The following HECW2 variants were observed in gnomAD, a reference collection of about 807,000 sequenced individuals.
HECW2 encodes HECT, C2 and WW domain containing E3 ubiquitin protein ligase 2, also known as E3 ubiquitin-protein ligase HECW2.
In HECW2, 61 loss-of-function variants were observed where a neutral mutation model predicts 175.2. The ratio of observed to expected loss-of-function variants is 0.35; its 90% CI spans 0.28 to 0.43. HECW2 has a LOEUF of 0.43. Ranked by LOEUF, HECW2 falls within the 20% of genes least tolerant of loss-of-function variation. HECW2 has a pLI of 1.00. For missense variants in HECW2, 1,524 were observed against 2,000.5 expected (o/e 0.76, Z 4.54); for synonymous variants, 671 against 731.0 (o/e 0.92, Z 1.32).
chr2:196,342,884 GAATA>G (rs890260484), intron 3 of HECW2, among the ~76,000 whole-genome samples: 1 of 151,774 alleles, frequency 6.6e-6, no homozygotes, highest in South Asian at 2.1e-4. Context: ...AAATTCATAT[GAATA>G]AATATTAATT....
At chr2:196,219,830 G>A (rs1044268593) in intron 26 of HECW2, among the ~76,000 whole-genome samples, 2 of 152,068 alleles carry the variant, frequency 1.3e-5, no homozygotes, top group Non-Finnish European at 2.9e-5. Context: ...ATCCTTTGAC[G>A]GTGTGTAAAC....
At chr2:196,250,466 C>G (rs560599261) in intron 19 of HECW2, among the ~76,000 whole-genome samples, 1 of 152,106 alleles carries the variant, frequency 6.6e-6, no homozygotes, top group Non-Finnish European at 1.5e-5. Context: ...CAAAAATAAT[C>G]GTGAGAGGTG....
At chr2:196,401,881 G>A (rs1206664405) in intron 2 of HECW2, among the ~76,000 whole-genome samples, 1 of 152,076 alleles carries the variant, frequency 6.6e-6, no homozygotes, top group Admixed American at 6.6e-5. Context: ...AAATGGAGAG[G>A]GTACCAAAAA....
chr2:196,577,231 T>A (rs898089946), intron 1 of HECW2, among the ~76,000 whole-genome samples: 7 of 152,184 alleles, frequency 4.6e-5, no homozygotes, highest in Non-Finnish European at 5.9e-5. Context: ...GGAATATATA[T>A]GCCTTCAAAA....
intron 28 of HECW2, among the ~76,000 whole-genome samples, chr2:196,203,874 T>G (rs1219353327): frequency 1.3e-5 from 2 of 152,250 alleles, no homozygotes; most frequent in East Asian, 3.9e-4. Context: ...TCCCATTTCC[T>G]CTCCCCCTAG....
At chr2:196,487,111 T>C (rs1372274709) in intron 1 of HECW2, among the ~76,000 whole-genome samples, 2 of 146,642 alleles carry the variant, frequency 1.4e-5, no homozygotes, top group African/African-American at 2.6e-5. Context: ...ATCGCACCAC[T>C]GCACTCCAGC....
chr2:196,546,070 AAGG>A (rs1165106813), intron 1 of HECW2, among the ~76,000 whole-genome samples: 1 of 152,226 alleles, frequency 6.6e-6, no homozygotes, highest in African/African-American at 2.4e-5. Flanking sequence ...TTTCGAACAC[AAGG>A]AGTTGTTTAT....
intron 2 of HECW2, chr2:196,361,754 T>C (rs1298839875): frequency 1.0e-6 from 1 of 972,930 alleles, no homozygotes; most frequent in Non-Finnish European, 1.2e-6. Context: ...CCCAAACAGC[T>C]GGACAAGGAA....
At chr2:196,369,093 T>C (rs1693835365) in intron 2 of HECW2, among the ~76,000 whole-genome samples, 1 of 152,178 alleles carries the variant, frequency 6.6e-6, no homozygotes, top group Non-Finnish European at 1.5e-5. Context: ...CTTTACAGTC[T>C]GGGCTTGTTT....
chr2:196,262,185 C>A (rs1208509312), intron 17 of HECW2, among the ~76,000 whole-genome samples: 1 of 151,970 alleles, frequency 6.6e-6, no homozygotes, highest in African/African-American at 2.4e-5. Flanking sequence ...ACCACCACAC[C>A]CAGCTAATTT....
chr2:196,430,209 T>G (rs947538904), intron 2 of HECW2, among the ~76,000 whole-genome samples: 1 of 152,008 alleles, frequency 6.6e-6, no homozygotes, highest in South Asian at 2.1e-4. Context: ...TTAGAAATAG[T>G]AGAAAAATAC....
At chr2:196,232,479 G>A (rs1206952315) in intron 21 of HECW2, among the ~76,000 whole-genome samples, 3 of 152,140 alleles carry the variant, frequency 2.0e-5, no homozygotes, top group Non-Finnish European at 4.4e-5. Context: ...AATGAGTGGA[G>A]CTCTTTGATG....
chr2:196,319,321 A>T lies in HECW2; in HGVS notation c.1569T>A (p.Ala523=). Residue 523 remains alanine, a synonymous_variant, in exon 9 of 29, where the codon GCT becomes GCA. Transcript: ENST00000644978. ...TTTCTGGCTTATCCTCAAAGGAAGC[A>T]GCTTCGTGTGTGGAGGCTTCCTCAT... ...VENEEASTHE[A]ASFEDKPENL... is the part of the protein sequence containing the mutation. The T allele has an allele frequency of 6.2e-7, 1 of 1,613,952 alleles. No individual in the cohort carries two copies. The highest frequency in any genetic ancestry group is 1.1e-5 in the South Asian group (1 of 90,982).
intron 1 of HECW2, 90 bp from the exon 2 acceptor site, chr2:196,433,548 T>C: frequency 1.1e-6 from 1 of 887,824 alleles, no homozygotes; most frequent in Non-Finnish European, 1.7e-6. Context: ...AAAGGGTGTT[T>C]AATAAGCCTG....
At chr2:196,460,564 T>C (rs893077797) in intron 1 of HECW2, among the ~76,000 whole-genome samples, 5 of 152,062 alleles carry the variant, frequency 3.3e-5, no homozygotes, top group Non-Finnish European at 5.9e-5. Flanking sequence ...GTCTAATTTT[T>C]TGCTTTTCTC....
At position 196,257,846 on chromosome 2, in the gene HECW2, A is replaced by T; in HGVS notation, c.3396T>A (p.Asp1132Glu). The change falls in exon 18 of 29, where the codon GAT (aspartate) becomes GAA (glutamate). Residue 1132 changes from aspartate to glutamate, a missense_variant. Coordinates refer to ENST00000644978, the MANE Select transcript of HECW2 (RefSeq NM_001348768.2). The part of the protein sequence containing the change: ...GTPGLVRLSS[D>E]ADLVMLLSLF... ...ACCTCAGCAACATAACAAGGTCTGC[A>T]TCGCTTGAAAGGCGCACCAATCCTG... 1 of 1,613,984 alleles carries T rather than the reference A, an allele frequency of 6.2e-7. No individual in the cohort carries two copies. The highest frequency in any genetic ancestry group is 1.7e-4 in the Middle Eastern group (1 of 6,060).
chr2:196,478,269 G>A (rs909342349), intron 1 of HECW2, among the ~76,000 whole-genome samples: 1 of 152,198 alleles, frequency 6.6e-6, no homozygotes. Context: ...CTGAGGAGCT[G>A]TAGGATTTGG....
At chr2:196,292,360 C>T (rs1344036537) in intron 14 of HECW2, 2 of 504,348 alleles carry the variant, frequency 4.0e-6, no homozygotes, top group East Asian at 3.1e-5. Context: ...CACAGCCCTC[C>T]CTCCGCTCCC....
intron 2 of HECW2, among the ~76,000 whole-genome samples, chr2:196,408,885 G>A (rs1425406923): frequency 2.0e-5 from 3 of 152,072 alleles, no homozygotes; most frequent in Admixed American, 6.6e-5. Context: ...ATCTCCCATC[G>A]CCATAAGGGG....
Sources: gnomAD v4.1 joint callset for allele counts (sites outside exome capture counted in the v4.1 genomes callset) on GRCh38, gnomAD v4.1.1 for gene constraint, MANE v1.5 for transcripts, NCBI Gene and HGNC (gene_info 2026-07-23, HGNC 2026-07-21) for gene names.